The following DPT variants were observed in gnomAD, a reference collection of about 807,000 sequenced individuals.
DPT encodes tyrosine-rich acidic matrix protein.
In DPT, 21 loss-of-function variants were observed where a neutral mutation model predicts 31.2. The observed-to-expected ratio is 0.67, with a 90% CI of 0.48 to 0.97. The LOEUF is 0.97. Ranked by LOEUF, DPT falls within the 50% of genes least tolerant of loss-of-function variation. DPT has a pLI of 0.00. For synonymous variants in DPT, 91 were observed against 86.9 expected (o/e 1.05, Z -0.26); for missense variants, 262 against 258.8 (o/e 1.01, Z -0.08).
chr1:168,715,187 C>T (rs1164603891), intron 1 of DPT, among the ~76,000 whole-genome samples: 2 of 152,214 alleles, frequency 1.3e-5, no homozygotes, highest in Non-Finnish European at 2.9e-5. Flanking sequence ...ATAATTTTTG[C>T]TCTTTCATTC....
At position 168,719,236 on chromosome 1, in the gene DPT, G is replaced by A. The variant is rs1002449800; in HGVS notation, c.306-4890C>T. Among the ~76,000 whole-genome samples, 5 of 152,060 alleles carry A rather than the reference G, an allele frequency of 3.3e-5. 1 individual carries two copies. Among genetic ancestry groups the A allele is most frequent in the East Asian group, 3.8e-4 (2 of 5,196 alleles). ...GTGAGCAATCCCTTTTCTTGCTTCC[G>A]TTCTCTCCCTGCAGCTCCATGATGA... is the stretch of plus-strand genomic sequence containing the variant. On this transcript the variant is annotated intron_variant, in intron 1 of 3. Coordinates refer to ENST00000367817, the MANE Select transcript of DPT (RefSeq NM_001937.5).
At chr1:168,724,427 C>T (rs1343306290) in intron 1 of DPT, among the ~76,000 whole-genome samples, 1 of 152,180 alleles carries the variant, frequency 6.6e-6, no homozygotes, top group African/African-American at 2.4e-5. Context: ...TCTTTCACTG[C>T]ATATGTATTG....
At chr1:168,704,143 C>T (rs938045083) in intron 2 of DPT, among the ~76,000 whole-genome samples, 5 of 152,124 alleles carry the variant, frequency 3.3e-5, no homozygotes, top group Admixed American at 6.5e-5. Context: ...GGGAAGAGTT[C>T]GGTGTGGTTG....
rs572185905 is a variant in DPT, at chr1:168,721,613, G to C, written c.305+7257C>G. Among the ~76,000 whole-genome samples, 126 of 152,252 alleles carry C rather than the reference G, an allele frequency of 8.3e-4. 1 individual carries two copies. In the South Asian group the frequency reaches 0.026, roughly 31 times the overall value. The stretch of plus-strand genomic sequence containing the variant: ...ATCAGAGCACAAAAGGCAATACCAA[G>C]CCTCTCCTCCTTCAAAGATCCTTCC... On this transcript the variant is annotated intron_variant, in intron 1 of 3. Transcript: ENST00000367817.
At chr1:168,714,399 C>T in intron 1 of DPT, 53 bp from the exon 2 acceptor site, 2 of 1,608,570 alleles carry the variant, frequency 1.2e-6, no homozygotes, top group Non-Finnish European at 8.5e-7. Flanking sequence ...TACACAGACC[C>T]CTTCCCAAGA....
chr1:168,718,132 CT>C (rs1400223620), intron 1 of DPT, among the ~76,000 whole-genome samples: 1 of 152,260 alleles, frequency 6.6e-6, no homozygotes, highest in East Asian at 1.9e-4. Context: ...CTGAGCTGGG[CT>C]GTGGTTTCCA....
Position 168,696,134 on chromosome 1 carries a change from G to C in DPT, c.*415C>G. ...CCTACGTATCATTCAAACAGGCTTA[G>C]CTGTAGAGAACCTTCACTGCACCTC... On this transcript the variant is annotated 3_prime_UTR_variant, in exon 4 of 4. Coordinates refer to ENST00000367817, the MANE Select transcript of DPT (RefSeq NM_001937.5). 1 of 410,986 alleles carries C rather than the reference G, an allele frequency of 2.4e-6. No individual in the cohort carries two copies. The highest frequency in any genetic ancestry group is 4.3e-6 in the Non-Finnish European group (1 of 233,388). The allele number at this position is 410,986 out of a possible 1,614,324, so 25.5% of individuals were successfully genotyped here. A position where few individuals can be genotyped will look rare whatever the true frequency, so the allele number is the denominator to read the frequency against.
In DPT at chr1:168,701,063, C is replaced by T. The variant is rs370379010; in HGVS notation, c.493G>A (p.Asp165Asn). 1.9e-6 allele frequency: 3 copies of T among 1,613,858 alleles called. No homozygotes were observed. In the African/African-American group the frequency reaches 4.0e-5, roughly 22 times the overall value. The change falls in exon 3 of 4, where the codon GAT becomes AAT. Residue 165 changes from aspartate to asparagine, a missense_variant. Physicochemically the swap from Asp to Asn is conservative, Grantham distance 23. Coordinates refer to ENST00000367817, the MANE Select transcript of DPT (RefSeq NM_001937.5). Reference sequence around the variant, plus strand: ...GTTGTTGCTCCTCGGATATAGTAATCATAATTGTAGGAAATCATGTCCATT... The same window carrying T: ...GTTGTTGCTCCTCGGATATAGTAATTATAATTGTAGGAAATCATGTCCATT... ...EEMDMISYNY[D>N]YYIRGATTTF...
chr1:168,714,201 T>C lies in DPT; in HGVS notation c.431+20A>G, dbSNP rs1341894974. The C allele has an allele frequency of 6.2e-7, 1 of 1,614,032 alleles. No homozygotes were observed. The highest frequency in any genetic ancestry group is 1.1e-5 in the South Asian group (1 of 91,066). On this transcript the variant is annotated intron_variant, in intron 2 of 3. Transcript: ENST00000367817. ...TCCCACCCCAGGAGTCATGAGGGTT[T>C]GGTCGGCTGCCAGACTCACCAGCAG...
At chr1:168,722,869 C>T (rs1376270008) in intron 1 of DPT, among the ~76,000 whole-genome samples, 3 of 151,974 alleles carry the variant, frequency 2.0e-5, no homozygotes, top group African/African-American at 7.3e-5. Context: ...CACACACACA[C>T]ACACACACAC....
intron 2 of DPT, among the ~76,000 whole-genome samples, chr1:168,713,715 C>T (rs1649915463): frequency 6.6e-6 from 1 of 152,102 alleles, no homozygotes; most frequent in Non-Finnish European, 1.5e-5. Context: ...GAAAACAGCA[C>T]AATCTTTTTT....
chr1:168,710,381 G>A (rs1404768739), intron 2 of DPT, among the ~76,000 whole-genome samples: 2 of 152,168 alleles, frequency 1.3e-5, no homozygotes, highest in Admixed American at 1.3e-4. Flanking sequence ...TTAATTCTCT[G>A]TACTTTCCCC....
chr1:168,728,249 C>G (rs1364301741), intron 1 of DPT, among the ~76,000 whole-genome samples: 1 of 152,236 alleles, frequency 6.6e-6, no homozygotes, highest in Non-Finnish European at 1.5e-5. Flanking sequence ...AGAGAAGGAC[C>G]TCAGTACTCA....
rs2101896661 is a variant in DPT at position 168,696,314 on chromosome 1, A to G, written c.*235T>C. On this transcript the variant is annotated 3_prime_UTR_variant, in exon 4 of 4. Coordinates refer to ENST00000367817, the MANE Select transcript of DPT (RefSeq NM_001937.5). ...GCAAGGAAGCCATCATCAGTCATAT[A>G]AAGCAGTTGCTATGAAACATGTGAA... 3.5e-6 allele frequency: 2 copies of G among 578,404 alleles called. No individual in the cohort carries two copies. Among genetic ancestry groups the G allele is most frequent in the South Asian group, 4.6e-5 (2 of 43,158 alleles). The allele number at this position is 578,404 out of a possible 1,614,324, so 35.8% of individuals were successfully genotyped here.
rs147509376 is a variant in DPT, at chr1:168,714,338, G to A, written c.314C>T (p.Thr105Met). The A allele has an allele frequency of 8.1e-6, 13 of 1,613,942 alleles. No individual in the cohort carries two copies. The highest frequency in any genetic ancestry group is 3.3e-5 in the Admixed American group (2 of 59,990). The change falls in exon 2 of 4, where the codon ACG becomes ATG. Residue 105 changes from threonine (T) to methionine (M), a missense_variant. Coordinates refer to ENST00000367817, the MANE Select transcript of DPT (RefSeq NM_001937.5). ...TGCCACCAGCCCATTGTTGGAGCAC[G>A]TCTGGTACCTGAAGAGAAGACAACC... Reference protein sequence around the residue: ...INRAGMEWYQTCSNNGLVAGF... With the variant: ...INRAGMEWYQMCSNNGLVAGF...
chr1:168,715,064 C>G (rs1400502360), intron 1 of DPT, among the ~76,000 whole-genome samples: 1 of 152,134 alleles, frequency 6.6e-6, no homozygotes, highest in East Asian at 1.9e-4. Context: ...TACAGAGTTG[C>G]AACAGGCCAA....
At chr1:168,712,965 G>A (rs1649900213) in intron 2 of DPT, among the ~76,000 whole-genome samples, 1 of 152,124 alleles carries the variant, frequency 6.6e-6, no homozygotes, top group Non-Finnish European at 1.5e-5. Context: ...ATCATTTTAG[G>A]TGATGTGCTT....
At chr1:168,727,801 G>A (rs1650283879) in intron 1 of DPT, among the ~76,000 whole-genome samples, 1 of 151,914 alleles carries the variant, frequency 6.6e-6, no homozygotes, top group Non-Finnish European at 1.5e-5. Context: ...GCCTCCCAAA[G>A]TGTTTGGGAT....
chr1:168,707,069 T>C (rs1019291076), intron 2 of DPT, among the ~76,000 whole-genome samples: 3 of 152,216 alleles, frequency 2.0e-5, no homozygotes, highest in African/African-American at 7.2e-5. Flanking sequence ...AGCTCAGTAC[T>C]ATGCAAAGAG....
Sources: gnomAD v4.1 joint callset for allele counts (sites outside exome capture counted in the v4.1 genomes callset) on GRCh38, gnomAD v4.1.1 for gene constraint, MANE v1.5 for transcripts, NCBI Gene and HGNC (gene_info 2026-07-23, HGNC 2026-07-21) for gene names.